DHX15: variants seen among roughly 807,000 people sequenced by gnomAD.
DHX15 encodes DEAH-box helicase 15, also known as ATP-dependent RNA helicase DHX15.
DHX15 carries 11 observed loss-of-function variants against 94.4 expected under a neutral mutation model. The observed-to-expected ratio is 0.12, with a 90% confidence interval of 0.07 to 0.19. The LOEUF (loss-of-function observed/expected upper bound fraction) is 0.19, where lower values mean the gene tolerates loss of function less well. Among genes scored for constraint, DHX15 ranks in the 10% least tolerant of loss-of-function variants. DHX15 has a pLI of 1.00. For synonymous variants in DHX15, 338 were observed against 329.9 expected (o/e 1.02, Z -0.27); for missense variants, 304 against 988.5 (o/e 0.31, Z 9.29).
At chr4:24,575,757 T>A (rs75707505) in intron 2 of DHX15, among the ~76,000 whole-genome samples, 5,893 of 152,266 alleles carry the variant, frequency 0.039, 188 homozygotes, top group Non-Finnish European at 0.053. Context: ...TTAAAAAATA[T>A]CCTAGCTATA....
At chr4:24,531,336 C>T (rs1363621154) in intron 12 of DHX15, among the ~76,000 whole-genome samples, 5 of 152,120 alleles carry the variant, frequency 3.3e-5, no homozygotes, top group Non-Finnish European at 7.4e-5. Context: ...GATCCACCCG[C>T]CTCGGCCTCC....
intron 3 of DHX15, among the ~76,000 whole-genome samples, chr4:24,558,468 T>C (rs1275598229): frequency 6.6e-6 from 1 of 152,198 alleles, no homozygotes; most frequent in Non-Finnish European, 1.5e-5. Flanking sequence ...ACATTCCTTT[T>C]TATTTTTCTA....
chr4:24,582,474 AT>A (rs1722437877), intron 1 of DHX15, among the ~76,000 whole-genome samples: 1 of 152,258 alleles, frequency 6.6e-6, no homozygotes. Flanking sequence ...ATACAAATGA[AT>A]TCATTCATTC....
In DHX15 at chr4:24,542,379, G is replaced by A. The variant is rs1177220559; in HGVS notation, c.1336-357C>T. On this transcript the variant is annotated intron_variant, in intron 7 of 13. Coordinates refer to ENST00000336812, the MANE Select transcript of DHX15 (RefSeq NM_001358.3). Reference sequence around the variant, plus strand: ...AAACCTTCACTTTCAAAACTCGACGGTCTGAGTACTATTACTCTGTTACTG... The same window carrying A: ...AAACCTTCACTTTCAAAACTCGACGATCTGAGTACTATTACTCTGTTACTG... 2.6e-5 allele frequency among the ~76,000 whole-genome samples: 4 copies of A among 152,036 alleles called. No homozygotes were observed. In the East Asian group the frequency reaches 5.8e-4, roughly 22 times the overall value.
chr4:24,535,093 CA>C (rs1026576189), intron 11 of DHX15, among the ~76,000 whole-genome samples: 1 of 152,024 alleles, frequency 6.6e-6, no homozygotes, highest in Non-Finnish European at 1.5e-5. Context: ...TAAAAACCAC[CA>C]ATGGCTAATC....
chr4:24,529,790 T>C lies in DHX15; in HGVS notation c.2101-20A>G. 1.9e-6 allele frequency: 3 copies of C among 1,613,070 alleles called. No individual in the cohort carries two copies. The highest frequency in any genetic ancestry group is 2.5e-6 in the Non-Finnish European group (3 of 1,179,056). ...TGCCACCTGAAACCAAAACCCAGTA[T>C]ATTATTAATACAATGCTTCTGACTT... On this transcript the variant is annotated intron_variant, in intron 12 of 13. Transcript: ENST00000336812.
chr4:24,552,500 C>A (rs371461715), intron 5 of DHX15, among the ~76,000 whole-genome samples: 21 of 152,158 alleles, frequency 1.4e-4, no homozygotes, highest in African/African-American at 4.8e-4. Flanking sequence ...AGAATATGTT[C>A]TTAAAAACCA....
intron 1 of DHX15, among the ~76,000 whole-genome samples, chr4:24,580,106 T>C (rs1180605936): frequency 1.3e-5 from 2 of 152,182 alleles, no homozygotes; most frequent in East Asian, 1.9e-4. Flanking sequence ...TCTAATACCA[T>C]GTTAAAATTC....
At chr4:24,547,927 A>ATCTATATATATATATATATATC in intron 6 of DHX15, among the ~76,000 whole-genome samples, 1 of 102,954 alleles carries the variant, frequency 9.7e-6, no homozygotes, top group East Asian at 3.4e-4. Context: ...ATATATATAT[A>ATCTATATATATATATATATATC]TATATATATA....
At chr4:24,530,179 G>T in intron 12 of DHX15, 1 of 238,652 alleles carries the variant, frequency 4.2e-6, no homozygotes, top group Non-Finnish European at 8.0e-6. Context: ...GGACTTCATG[G>T]GTCCACAGAG....
intron 6 of DHX15, among the ~76,000 whole-genome samples, chr4:24,548,558 A>G (rs894567663): frequency 1.3e-5 from 2 of 152,232 alleles, no homozygotes; most frequent in Non-Finnish European, 2.9e-5. Flanking sequence ...CACCAAAGAA[A>G]AAGTGCTTAC....
At chr4:24,580,881 C>G (rs761027391) in intron 1 of DHX15, 4 of 151,804 alleles carry the variant, frequency 2.6e-5, no homozygotes, top group African/African-American at 9.7e-5. Context: ...TGTGCAAATA[C>G]GTATGTATAA....
intron 3 of DHX15, among the ~76,000 whole-genome samples, chr4:24,560,552 A>C (rs138935272): frequency 6.6e-6 from 1 of 152,322 alleles, no homozygotes; most frequent in Non-Finnish European, 1.5e-5. Flanking sequence ...AAACTGAGCA[A>C]AAATTGCAAC....
chr4:24,576,683 AAAC>A lies in DHX15; in HGVS notation c.72-8_72-6del. ...CGGTCTCGATCTCGATCCTTCCTAA[AAAC>A]AAAAATTTAGAATTCAGATTCTGAA... On this transcript the variant is annotated splice_polypyrimidine_tract_variant and splice_region_variant and intron_variant, in intron 1 of 13. Coordinates refer to ENST00000336812, the MANE Select transcript of DHX15 (RefSeq NM_001358.3). 1 of 1,608,068 alleles carries A rather than the reference AAAC, an allele frequency of 6.2e-7. No homozygotes were observed. Among genetic ancestry groups the A allele is most frequent in the Non-Finnish European group, 8.5e-7 (1 of 1,175,522 alleles).
chr4:24,568,609 T>C (rs746847462), intron 3 of DHX15, among the ~76,000 whole-genome samples: 4 of 152,190 alleles, frequency 2.6e-5, no homozygotes, highest in Admixed American at 1.3e-4. Flanking sequence ...ACCCACTTCC[T>C]ACTACACATA....
chr4:24,560,160 T>G (rs1721834749), intron 3 of DHX15, among the ~76,000 whole-genome samples: 1 of 152,030 alleles, frequency 6.6e-6, no homozygotes, highest in African/African-American at 2.4e-5. Context: ...AATTCTGATT[T>G]GAACAAACCA....
rs150070960 is a variant in DHX15, at chr4:24,565,229, T to C, written c.701+5425A>G. Among the ~76,000 whole-genome samples the C allele has an allele frequency of 3.5e-3, 526 of 152,310 alleles. 5 individuals are homozygous for C. The highest frequency in any genetic ancestry group is 0.011 in the African/African-American group (476 of 41,578). ...TTCTCTATCTAATCCTCACAAATAC[T>C]TAAGTACAAAGGTCAAATTTAACAA... On this transcript the variant is annotated intron_variant, in intron 3 of 13. Transcript: ENST00000336812.
At position 24,540,403 on chromosome 4, in the gene DHX15, CCAAACT is replaced by C. The variant is rs530882545; in HGVS notation, c.1595-110_1595-105del. 3.3e-4 allele frequency: 314 copies of C among 950,908 alleles called. 4 individuals are homozygous for C. In the South Asian group the frequency reaches 4.5e-3, roughly 14 times the overall value. The allele number at this position is 950,908 out of a possible 1,614,324, so 58.9% of individuals were successfully genotyped here. On this transcript the variant is annotated intron_variant, in intron 9 of 13. Transcript: ENST00000336812. Reference sequence around the variant, plus strand: ...ATCTCATTTTTCATTTTGCAGTGGACCAAACTCAAACTCAAACTGTCATCCAATTCA... The same window carrying C: ...ATCTCATTTTTCATTTTGCAGTGGACCAAACTCAAACTGTCATCCAATTCA...
intron 4 of DHX15, among the ~76,000 whole-genome samples, chr4:24,555,899 G>T (rs531877625): frequency 6.6e-6 from 1 of 150,702 alleles, no homozygotes; most frequent in South Asian, 2.1e-4. Context: ...TTTGTGATGA[G>T]ACAAGGACAT....
Sources: allele counts gnomAD v4.1 joint callset (sites outside exome capture counted in the v4.1 genomes callset), GRCh38; gene constraint gnomAD v4.1.1; transcripts MANE v1.5; gene names NCBI Gene and HGNC (gene_info 2026-07-23, HGNC 2026-07-21).